CZIB: variants seen among roughly 807,000 people sequenced by gnomAD.
CZIB encodes the protein CXXC motif containing zinc binding protein, also known as UPF0587 protein C1orf123.
CZIB carries 26 observed loss-of-function variants against 28.3 expected under a neutral mutation model. The observed-to-expected ratio is 0.92, with a 90% CI of 0.67 to 1.27. The LOEUF (loss-of-function observed/expected upper bound fraction) is 1.27. CZIB is among the 50% of genes most tolerant of loss of function. The pLI is 0.00. For synonymous variants in CZIB, 78 were observed against 71.1 expected (o/e 1.10, Z -0.49); for missense variants, 179 against 197.3 (o/e 0.91, Z 0.56).
At chr1:53,220,544 C>T in intron 1 of CZIB, 26 bp downstream of exon 1, 1 of 1,599,996 alleles carries the variant, frequency 6.3e-7, no homozygotes, top group African/African-American at 1.3e-5. Context: ...CCCTCCGTGT[C>T]CCCGCGGCGG....
At chr1:53,218,022 G>T in intron 5 of CZIB, 150 bp downstream of exon 5, 2 of 826,430 alleles carry the variant, frequency 2.4e-6, no homozygotes, top group Non-Finnish European at 3.9e-6. Flanking sequence ...GTGTACAGTG[G>T]ATAAATGACT....
At chr1:53,218,103 G>T in intron 5 of CZIB, 69 bp downstream of exon 5, 1 of 1,531,948 alleles carries the variant, frequency 6.5e-7, no homozygotes, top group South Asian at 1.1e-5. Context: ...CATGACTCTA[G>T]AACCCAGACC....
At chr1:53,217,055 A>AT in intron 5 of CZIB, 196 bp from the exon 6 acceptor site, 1 of 548,230 alleles carries the variant, frequency 1.8e-6, no homozygotes. Flanking sequence ...GACAGCAGAC[A>AT]TGGAGGCTGC....
At position 53,214,394 on chromosome 1, in the gene CZIB, C is replaced by T; in HGVS notation, c.*265G>A. On this transcript the variant is annotated 3_prime_UTR_variant, in exon 8 of 8. Transcript: ENST00000294360. ...CTCCTTAAAAATACTCTTCATTTTC[C>T]TAAGGAGTGAACTGCTGCTGCACGA... The T allele has an allele frequency of 2.3e-6, 1 of 432,780 alleles. No individual in the cohort carries two copies. The highest frequency in any genetic ancestry group is 4.2e-6 in the Non-Finnish European group (1 of 238,894). 26.8% of individuals were successfully genotyped at this position (432,780 alleles called of 1,614,324 possible).
intron 1 of CZIB, 48 bp downstream of exon 1, chr1:53,220,522 C>G: frequency 6.2e-7 from 1 of 1,600,374 alleles, no homozygotes; most frequent in Non-Finnish European, 8.5e-7. Context: ...CCTCCCAGAC[C>G]CTCGCCACCT....
At position 53,220,579 on chromosome 1, in the gene CZIB, A is replaced by G. The variant is rs777685165; in HGVS notation, c.-4T>C. The G allele has an allele frequency of 2.5e-6, 4 of 1,598,084 alleles. No individual in the cohort carries two copies. In the South Asian group the frequency reaches 3.3e-5, roughly 13 times the overall value. On this transcript the variant is annotated 5_prime_UTR_variant, in exon 1 of 8. Transcript: ENST00000294360. ...GGCGGCCTCCCCTCACCCCCATGGT[A>G]GCCCTCTCCGCCCGGTGCTGGCTGC...
intron 5 of CZIB, 111 bp downstream of exon 5, chr1:53,218,061 G>A: frequency 2.6e-6 from 3 of 1,138,600 alleles, no homozygotes; most frequent in Non-Finnish European, 3.8e-6. Flanking sequence ...GTTCATGAGT[G>A]AATGTCCTAT....
chr1:53,220,570 C>G lies in CZIB; in HGVS notation c.6G>C (p.Gly2=). The G allele has an allele frequency of 6.3e-7, 1 of 1,599,046 alleles. No individual in the cohort carries two copies. The highest frequency in any genetic ancestry group is 2.2e-5 in the East Asian group (1 of 44,858). M[G]KIALQLKATL... The stretch of plus-strand genomic sequence containing the variant: ...CCCGCGGCGGGCGGCCTCCCCTCAC[C>G]CCCATGGTAGCCCTCTCCGCCCGGT... Residue 2 remains glycine (G), a splice_region_variant and synonymous_variant, in exon 1 of 8, where the codon GGG becomes GGC. Transcript: ENST00000294360.
chr1:53,215,601 C>T (rs1645465028), intron 7 of CZIB, among the ~76,000 whole-genome samples: 1 of 152,174 alleles, frequency 6.6e-6, no homozygotes, highest in African/African-American at 2.4e-5. Flanking sequence ...AATGAATACT[C>T]CCCGGGGAAA....
rs761214937 is a variant in CZIB, at chr1:53,214,487, G to T, written c.*172C>A. On this transcript the variant is annotated 3_prime_UTR_variant, in exon 8 of 8. Transcript: ENST00000294360. ...TCATGCACCAGTGCAGCGTGAACAG[G>T]GGCTTTATTGATGGGGCTTGGGAAG... 1.3e-5 allele frequency: 8 copies of T among 595,408 alleles called. No homozygotes were observed. The highest frequency in any genetic ancestry group is 2.4e-5 in the Non-Finnish European group (8 of 334,638). 36.9% of individuals were successfully genotyped at this position (595,408 alleles called of 1,614,324 possible). A position where few individuals can be genotyped will look rare whatever the true frequency, so the allele number is the denominator to read the frequency against.
Position 53,214,278 on chromosome 1 carries a change from C to T in CZIB, c.*381G>A. The stretch of plus-strand genomic sequence containing the variant: ...CAGCAAGTTCAGTAAGTTCAGGTAA[C>T]AGTACGTCACCATTGGCTTCTGGCT... On this transcript the variant is annotated 3_prime_UTR_variant, in exon 8 of 8. Coordinates refer to ENST00000294360, the MANE Select transcript of CZIB (RefSeq NM_017887.3). 5.2e-6 allele frequency: 1 copy of T among 191,112 alleles called. No individual in the cohort carries two copies. Among genetic ancestry groups the T allele is most frequent in the Admixed American group, 5.5e-5 (1 of 18,292 alleles). 11.8% of individuals were successfully genotyped at this position (191,112 alleles called of 1,614,324 possible).
chr1:53,218,651 T>G, intron 3 of CZIB, 156 bp from the exon 4 acceptor site: 1 of 863,542 alleles, frequency 1.2e-6, no homozygotes, highest in South Asian at 1.7e-5. Context: ...CTGAGGAAAA[T>G]AAAAAAAGGG....
At chr1:53,220,078 G>C (rs1044049779) in intron 2 of CZIB, 183 bp downstream of exon 2, 1 of 591,738 alleles carries the variant, frequency 1.7e-6, no homozygotes, top group Non-Finnish European at 2.9e-6. Context: ...AGCTTTCCAA[G>C]ACTGCCAATT....
chr1:53,218,293 T>C (rs765486105), intron 4 of CZIB, 90 bp from the exon 5 acceptor site: 467 of 1,577,822 alleles, frequency 3.0e-4, no homozygotes, highest in Non-Finnish European at 3.9e-4. Flanking sequence ...AAGATCACGC[T>C]GTACAGGTGT....
chr1:53,214,916 T>C (rs575062760), intron 7 of CZIB, among the ~76,000 whole-genome samples, 180 bp from the exon 8 acceptor site: 1 of 152,174 alleles, frequency 6.6e-6, no homozygotes, highest in Non-Finnish European at 1.5e-5. Context: ...TGTATGACTG[T>C]GGGCAAATCA....
Position 53,216,023 on chromosome 1 carries a change from T to G in CZIB, c.373A>C (p.Thr125Pro), listed in dbSNP as rs1382199511. 6.2e-7 allele frequency: 1 copy of G among 1,614,114 alleles called. No individual in the cohort carries two copies. The highest frequency in any genetic ancestry group is 1.7e-5 in the Admixed American group (1 of 60,014). Reference protein sequence around the residue: ...GFAAEGVESGTAFSDINLQEK... With the variant: ...GFAAEGVESGPAFSDINLQEK... ...TGCAGATTAATGTCACTGAAGGCTG[T>G]CCCTGACTCCACACCTTCAGCAGCA... The change falls in exon 7 of 8, where the codon ACA (threonine) becomes CCA (proline). Residue 125 changes from threonine (T) to proline (P), a missense_variant. Transcript: ENST00000294360.
chr1:53,215,901 G>A (rs1645468826), intron 7 of CZIB, 90 bp downstream of exon 7: 3 of 1,332,834 alleles, frequency 2.3e-6, no homozygotes, highest in Middle Eastern at 1.8e-4. Flanking sequence ...AAAATACAGA[G>A]TTGGCTTTCC....
chr1:53,215,987 A>T lies in CZIB; in HGVS notation c.405+4T>A. On this transcript the variant is annotated splice_donor_region_variant and intron_variant, in intron 7 of 7. Transcript: ENST00000294360. ...GTACCTCCCAAAGCCCCCAAGTCTC[A>T]TACCTTCTCCTGCAGATTAATGTCA... is the stretch of plus-strand genomic sequence containing the variant. 6.2e-7 allele frequency: 1 copy of T among 1,613,866 alleles called. No individual in the cohort carries two copies. Among genetic ancestry groups the T allele is most frequent in the Non-Finnish European group, 8.5e-7 (1 of 1,179,872 alleles).
chr1:53,218,672 A>G (rs1386252626), intron 3 of CZIB, 177 bp from the exon 4 acceptor site: 5 of 804,602 alleles, frequency 6.2e-6, no homozygotes, highest in African/African-American at 1.7e-5. Flanking sequence ...CTTCCCCTTG[A>G]TTTTGAACTC....
Sources: allele counts gnomAD v4.1 joint callset (sites outside exome capture counted in the v4.1 genomes callset), GRCh38; gene constraint gnomAD v4.1.1; transcripts MANE v1.5; gene names NCBI Gene and HGNC (gene_info 2026-07-23, HGNC 2026-07-21).